The following SUZ12 variants were observed in gnomAD, a reference collection of about 807,000 sequenced individuals.
SUZ12 encodes SUZ12 polycomb repressive complex 2 subunit, also known as polycomb protein SUZ12.
SUZ12 carries 17 observed loss-of-function variants against 87.3 expected under a neutral mutation model. That is an observed-to-expected ratio of 0.19 (90% CI 0.13 to 0.29). SUZ12 has a LOEUF of 0.29. Ranked by LOEUF, SUZ12 falls within the 10% of genes least tolerant of loss-of-function variation. The pLI, the probability that SUZ12 is intolerant of heterozygous loss-of-function variation, is 1.00. For synonymous variants in SUZ12, 253 were observed against 312.4 expected, an observed-to-expected ratio of 0.81 and a Z score of 2.01; for missense variants, 526 against 912.2, an observed-to-expected ratio of 0.58 and a Z score of 5.45.
rs1370824521 is a variant in SUZ12 at position 31,988,357 on chromosome 17, C to T, written c.1061C>T (p.Thr354Met). Residue 354 changes from threonine to methionine, a missense_variant, in exon 10 of 16, where the codon ACG (threonine) becomes ATG (methionine). Physicochemically the swap from Thr to Met is moderately conservative, Grantham distance 81 (BLOSUM62 -1). Coordinates refer to ENST00000322652, the MANE Select transcript of SUZ12 (RefSeq NM_015355.4). ...PPFETFSQGP[T>M]LQFTLRWTGE... ...TTCGAAACATTTTCTCAGGGACCTA[C>T]GTTGCAGTTCACTCTTCGTTGGACA... 4 of 1,601,798 alleles carry T rather than the reference C, an allele frequency of 2.5e-6. No homozygotes were observed. The highest frequency in any genetic ancestry group is 1.8e-5 in the Admixed American group (1 of 57,058).
At chr17:31,990,637 T>A (rs950802117) in intron 10 of SUZ12, among the ~76,000 whole-genome samples, 2 of 152,188 alleles carry the variant, frequency 1.3e-5, no homozygotes, top group South Asian at 2.1e-4. Flanking sequence ...AGTACTGGGA[T>A]TACAGGCATG....
At chr17:31,961,068 CTG>C (rs896523219) in intron 4 of SUZ12, among the ~76,000 whole-genome samples, 2 of 152,140 alleles carry the variant, frequency 1.3e-5, no homozygotes, top group African/African-American at 4.8e-5. Context: ...AAAAAATAAA[CTG>C]GGCATGGCAG....
chr17:31,987,552 T>C (rs1485818359), intron 9 of SUZ12, among the ~76,000 whole-genome samples: 5 of 152,122 alleles, frequency 3.3e-5, no homozygotes, highest in African/African-American at 1.2e-4. Context: ...TGAAAAGCTG[T>C]TCAATTTACA....
At chr17:31,969,729 CCAACAT>C (rs2081145539) in intron 5 of SUZ12, among the ~76,000 whole-genome samples, 1 of 152,024 alleles carries the variant, frequency 6.6e-6, no homozygotes, top group Non-Finnish European at 1.5e-5. Context: ...GGATAGAAAA[CCAACAT>C]CAAGTTCTCT....
At chr17:31,942,835 ATTTAT>A (rs1906388983) in intron 3 of SUZ12, among the ~76,000 whole-genome samples, 1 of 152,178 alleles carries the variant, frequency 6.6e-6, no homozygotes, top group African/African-American at 2.4e-5. Context: ...GCAAGATTAT[ATTTAT>A]TTGAGAGTAT....
rs993203065 is a variant in SUZ12 at position 31,937,093 on chromosome 17, T to TCTC, written c.-146_-144dup. 1.5e-5 allele frequency: 9 copies of TCTC among 615,964 alleles called. No homozygotes were observed. The African/African-American group carries it at 1.6e-4, about 11-fold the overall frequency. 38.2% of individuals were successfully genotyped at this position (615,964 alleles called of 1,614,324 possible). A position where few individuals can be genotyped will look rare whatever the true frequency, so the allele number is the denominator to read the frequency against. On this transcript the variant is annotated 5_prime_UTR_variant, in exon 1 of 16. Coordinates refer to ENST00000322652, the MANE Select transcript of SUZ12 (RefSeq NM_015355.4). Reference sequence around the variant, plus strand: ...TTTTTTTTCCTCCCTCCTTCCCTCCTCTCCTCCTCCCTTCCCTTCCCCTCT... The same window carrying TCTC: ...TTTTTTTTCCTCCCTCCTTCCCTCCTCTCCTCCTCCTCCCTTCCCTTCCCCTCT...
chr17:31,979,032 G>A (rs1908924232), intron 8 of SUZ12, among the ~76,000 whole-genome samples: 1 of 150,718 alleles, frequency 6.6e-6, no homozygotes, highest in Admixed American at 6.6e-5. Context: ...CTTGAACCCA[G>A]GAGGCGGAGG....
At chr17:31,945,727 T>G (rs1235686771) in intron 3 of SUZ12, among the ~76,000 whole-genome samples, 1 of 152,220 alleles carries the variant, frequency 6.6e-6, no homozygotes, top group Non-Finnish European at 1.5e-5. Flanking sequence ...TGTGATCTTA[T>G]CTATTTCAAA....
intron 3 of SUZ12, among the ~76,000 whole-genome samples, chr17:31,941,213 T>A (rs1283947348): frequency 6.6e-6 from 1 of 151,330 alleles, no homozygotes; most frequent in Non-Finnish European, 1.5e-5. Flanking sequence ...GCCATTCTCC[T>A]GCCTCAGCCT....
intron 8 of SUZ12, among the ~76,000 whole-genome samples, chr17:31,979,510 C>T (rs2142187086): frequency 6.6e-6 from 1 of 152,314 alleles, no homozygotes; most frequent in African/African-American, 2.4e-5. Context: ...TAGCCTTTCT[C>T]CCTACCTTCT....
intron 4 of SUZ12, among the ~76,000 whole-genome samples, chr17:31,955,111 T>G (rs527260783): frequency 5.3e-5 from 8 of 152,232 alleles, no homozygotes; most frequent in African/African-American, 1.7e-4. Flanking sequence ...TTTTTTATTT[T>G]ACTTTTTAGA....
chr17:31,993,841 CT>C (rs55811201), intron 11 of SUZ12, 23 bp from the exon 12 acceptor site: 15,472 of 1,175,184 alleles, frequency 0.013, no homozygotes, highest in South Asian at 0.019. Flanking sequence ...TGGAGATTTG[CT>C]TTTTTTTTTT....
At chr17:31,988,903 T>G (rs1909554198) in intron 10 of SUZ12, among the ~76,000 whole-genome samples, 1 of 151,502 alleles carries the variant, frequency 6.6e-6, no homozygotes, top group South Asian at 2.1e-4. Flanking sequence ...ACACCGTCCC[T>G]ACTAAAAATA....
At chr17:31,944,122 A>G (rs1281379320) in intron 3 of SUZ12, among the ~76,000 whole-genome samples, 1 of 152,012 alleles carries the variant, frequency 6.6e-6, no homozygotes. Flanking sequence ...GTACACATTT[A>G]TTTTATTATT....
chr17:31,999,772 CT>C lies in SUZ12; in HGVS notation c.*771del. On this transcript the variant is annotated 3_prime_UTR_variant, in exon 16 of 16. Transcript: ENST00000322652. ...TTTTTTTTTTAACTTGAACATTTTG[CT>C]TGTTTTGTTTTTCTTTTTTAATTAG... 1 of 229,966 alleles carries C rather than the reference CT, an allele frequency of 4.3e-6. No homozygotes were observed. The highest frequency in any genetic ancestry group is 8.6e-6 in the Non-Finnish European group (1 of 116,810). The allele number at this position is 229,966 out of a possible 1,614,324, so 14.2% of individuals were successfully genotyped here.
intron 5 of SUZ12, among the ~76,000 whole-genome samples, chr17:31,970,582 T>C (rs561559): frequency 0.18 from 27,537 of 151,634 alleles, 3,084 homozygotes; most frequent in African/African-American, 0.31. Context: ...GAGCCGAGAT[T>C]GTGCCACTGC....
At chr17:31,983,291 TTTGAGGGGGAGTCTTGCTCTG>T (rs2142194845) in intron 9 of SUZ12, among the ~76,000 whole-genome samples, 187 bp downstream of exon 9, 1 of 150,830 alleles carries the variant, frequency 6.6e-6, no homozygotes, top group South Asian at 2.1e-4. Context: ...TTTTTTTTTT[TTTGAGGGGGAGTCTTGCTCTG>T]TTGCCCAGGC....
intron 9 of SUZ12, among the ~76,000 whole-genome samples, chr17:31,985,334 AAAT>A (rs1488897611): frequency 6.6e-5 from 10 of 151,890 alleles, no homozygotes; most frequent in African/African-American, 2.4e-4. Flanking sequence ...AGCATTTTTT[AAAT>A]AATGAAACAT....
At chr17:31,994,415 A>G in intron 12 of SUZ12, 149 bp from the exon 13 acceptor site, 1 of 587,632 alleles carries the variant, frequency 1.7e-6, no homozygotes, top group Non-Finnish European at 2.7e-6. Flanking sequence ...TGTTGACCCC[A>G]GGTCTTCTGA....
Sources: allele counts gnomAD v4.1 joint callset (sites outside exome capture counted in the v4.1 genomes callset), GRCh38; gene constraint gnomAD v4.1.1; transcripts MANE v1.5; gene names NCBI Gene and HGNC (gene_info 2026-07-23, HGNC 2026-07-21).